WIPI2: variants seen among roughly 807,000 people sequenced by gnomAD.
The protein encoded by WIPI2 is WD repeat domain, phosphoinositide interacting 2.
In WIPI2, 28 loss-of-function variants were observed where a neutral mutation model predicts 52.3. The observed-to-expected ratio is 0.54, with a 90% CI of 0.40 to 0.73. WIPI2 has a LOEUF of 0.73. WIPI2 is among the 30% of genes least tolerant of loss of function. The pLI is 0.00. For synonymous variants in WIPI2, 268 were observed against 245.0 expected (o/e 1.09, Z -0.88); for missense variants, 506 against 602.9 (o/e 0.84, Z 1.68).
At chr7:5,203,867 C>T (rs1782160761) in intron 3 of WIPI2, among the ~76,000 whole-genome samples, 1 of 152,106 alleles carries the variant, frequency 6.6e-6, no homozygotes, top group African/African-American at 2.4e-5. Context: ...TCATGATCCA[C>T]CCGCCTCAGC....
chr7:5,214,038 A>C, intron 3 of WIPI2: 1 of 232,128 alleles, frequency 4.3e-6, no homozygotes, highest in South Asian at 5.7e-5. Context: ...TGAGTGTAAT[A>C]GCGACATCTT....
At position 5,218,210 on chromosome 7, in the gene WIPI2, G is replaced by A. The variant is rs763760923; in HGVS notation, c.669+196G>A. On this transcript the variant is annotated intron_variant, in intron 7 of 12. Coordinates refer to ENST00000288828, the MANE Select transcript of WIPI2 (RefSeq NM_015610.4). ...GGAGCTTGCAGTGTGCCACTGGGAC[G>A]GGAGAGCTGGTCCACATTTGTAGTA... The A allele has an allele frequency of 4.9e-5, 27 of 554,976 alleles. 1 individual carries two copies. Among genetic ancestry groups the A allele is most frequent in the East Asian group, 1.5e-4 (5 of 32,716 alleles). 34.4% of individuals were successfully genotyped at this position (554,976 alleles called of 1,614,324 possible). A position where few individuals can be genotyped will look rare whatever the true frequency, so the allele number is the denominator to read the frequency against.
chr7:5,209,271 G>A (rs1424148449), intron 3 of WIPI2, among the ~76,000 whole-genome samples: 1 of 152,104 alleles, frequency 6.6e-6, no homozygotes, highest in East Asian at 1.9e-4. Context: ...GCTTTCTAAT[G>A]TTTGTGCCTT....
intron 7 of WIPI2, among the ~76,000 whole-genome samples, chr7:5,220,245 T>C (rs1279032677): frequency 5.5e-4 from 2 of 3,618 alleles, no homozygotes; most frequent in African/African-American, 3.8e-3. Context: ...GCTTTTTGCT[T>C]TTTTTTTTTT....
chr7:5,190,307 G>A lies in WIPI2; in HGVS notation c.-113G>A. The A allele has an allele frequency of 1.7e-6, 1 of 604,552 alleles. No homozygotes were observed. The highest frequency in any genetic ancestry group is 2.3e-6 in the Non-Finnish European group (1 of 427,158). The allele number at this position is 604,552 out of a possible 1,614,324, so 37.4% of individuals were successfully genotyped here. On this transcript the variant is annotated 5_prime_UTR_variant, in exon 1 of 13. Transcript: ENST00000288828. ...AGGCGGCGGTTGATCCCAGGGTGGC[G>A]AGTGGCGGCGACCGAGGCGGCGAGC...
At chr7:5,226,408 G>T (rs1032631140) in intron 9 of WIPI2, 1 of 172,388 alleles carries the variant, frequency 5.8e-6, no homozygotes, top group Non-Finnish European at 1.2e-5. Context: ...CCAGGCTGCA[G>T]TGCAGTGGTA....
intron 3 of WIPI2, among the ~76,000 whole-genome samples, chr7:5,204,272 G>T (rs961380290): frequency 9.9e-5 from 15 of 152,256 alleles, no homozygotes; most frequent in Admixed American, 7.8e-4. Flanking sequence ...TTAGAGACCA[G>T]CCTGGCCAAC....
At position 5,217,762 on chromosome 7, in the gene WIPI2, C is replaced by G. The variant is rs1282081769; in HGVS notation, c.577-160C>G. ...TTTTCTAAAGTTGGAGCAGCATTTC[C>G]TTGGATGCCCAGCCCCAGTAAATCA... On this transcript the variant is annotated intron_variant, in intron 6 of 12. Coordinates refer to ENST00000288828, the MANE Select transcript of WIPI2 (RefSeq NM_015610.4). 3 of 706,218 alleles carry G rather than the reference C, an allele frequency of 4.2e-6. No individual in the cohort carries two copies. The African/African-American group carries it at 5.3e-5, about 13-fold the overall frequency. 43.7% of individuals were successfully genotyped at this position (706,218 alleles called of 1,614,324 possible).
At chr7:5,220,598 C>G (rs999592421) in intron 7 of WIPI2, among the ~76,000 whole-genome samples, 5 of 151,996 alleles carry the variant, frequency 3.3e-5, no homozygotes, top group African/African-American at 1.2e-4. Context: ...CTCACTGCAG[C>G]TTCCACTCCT....
chr7:5,214,388 C>A, intron 3 of WIPI2, 147 bp from the exon 4 acceptor site: 1 of 1,605,772 alleles, frequency 6.2e-7, no homozygotes, highest in South Asian at 1.1e-5. Context: ...CGGGCTGTCC[C>A]CACCCCATGA....
At chr7:5,197,736 G>C (rs1039953035) in intron 2 of WIPI2, among the ~76,000 whole-genome samples, 1 of 152,168 alleles carries the variant, frequency 6.6e-6, no homozygotes, top group African/African-American at 2.4e-5. Context: ...AAATAGCCCT[G>C]ATCCTATCTT....
intron 7 of WIPI2, among the ~76,000 whole-genome samples, chr7:5,221,628 C>G (rs188570371): frequency 6.6e-6 from 1 of 152,186 alleles, no homozygotes; most frequent in Non-Finnish European, 1.5e-5. Flanking sequence ...TTTATTCCCC[C>G]AGATGTTCAT....
chr7:5,222,593 C>T lies in WIPI2; in HGVS notation c.670-9C>T. On this transcript the variant is annotated splice_polypyrimidine_tract_variant and intron_variant, in intron 7 of 12. Coordinates refer to ENST00000288828, the MANE Select transcript of WIPI2 (RefSeq NM_015610.4). ...GCTCAAATTCTTCTTTTCTCTTTTC[C>T]TTCCACAGGGGACCGTGATTAGGGT... The T allele has an allele frequency of 1.2e-6, 2 of 1,613,164 alleles. No homozygotes were observed. The highest frequency in any genetic ancestry group is 1.7e-6 in the Non-Finnish European group (2 of 1,179,434).
intron 8 of WIPI2, chr7:5,222,926 G>A (rs1032878728): frequency 1.0e-4 from 44 of 421,710 alleles, no homozygotes; most frequent in African/African-American, 8.6e-4. Flanking sequence ...ACGCAACCAG[G>A]TGGGCCCTCC....
At position 5,214,508 on chromosome 7, in the gene WIPI2, C is replaced by A. The variant is rs200577510; in HGVS notation, c.212-27C>A. ...GGCCATAGCCATGTGGAGATGTTCA[C>A]GCATGTACTTCCCTTTGTGATTTCA... On this transcript the variant is annotated intron_variant, in intron 3 of 12. Coordinates refer to ENST00000288828, the MANE Select transcript of WIPI2 (RefSeq NM_015610.4). The A allele has an allele frequency of 3.1e-6, 5 of 1,614,060 alleles. No homozygotes were observed. The African/African-American group carries it at 4.0e-5, about 13-fold the overall frequency.
chr7:5,221,904 C>G (rs926140571), intron 7 of WIPI2, among the ~76,000 whole-genome samples: 1 of 151,990 alleles, frequency 6.6e-6, no homozygotes, highest in Non-Finnish European at 1.5e-5. Context: ...GAAGCCTCGT[C>G]AGACCACAAG....
At chr7:5,199,539 G>T (rs373656812) in intron 2 of WIPI2, 37 bp from the exon 3 acceptor site, 1 of 1,572,722 alleles carries the variant, frequency 6.4e-7, no homozygotes. Flanking sequence ...CTGTCTGCAC[G>T]TATCAGCTCT....
In WIPI2 at chr7:5,232,527, C is replaced by T. The variant is rs1208096675; in HGVS notation, c.*1580C>T. On this transcript the variant is annotated 3_prime_UTR_variant, in exon 13 of 13. Transcript: ENST00000288828. Reference sequence around the variant, plus strand: ...CAAAACCTGCTTGTCTGTCCTGGACCTTTGATGAAATGGGATCCCGGTCAC... The same window carrying T: ...CAAAACCTGCTTGTCTGTCCTGGACTTTTGATGAAATGGGATCCCGGTCAC... 2.6e-6 allele frequency: 1 copy of T among 391,828 alleles called. No individual in the cohort carries two copies. Among genetic ancestry groups the T allele is most frequent in the South Asian group, 1.4e-4 (1 of 6,962 alleles). The allele number at this position is 391,828 out of a possible 1,614,324, so 24.3% of individuals were successfully genotyped here.
At chr7:5,211,188 G>C (rs933784387) in intron 3 of WIPI2, among the ~76,000 whole-genome samples, 2 of 152,178 alleles carry the variant, frequency 1.3e-5, no homozygotes, top group Non-Finnish European at 2.9e-5. Context: ...ATCTTTTCCC[G>C]AGGCTGGGAG....
Sources: allele counts gnomAD v4.1 joint callset (sites outside exome capture counted in the v4.1 genomes callset), GRCh38; gene constraint gnomAD v4.1.1; transcripts MANE v1.5; gene names NCBI Gene and HGNC (gene_info 2026-07-23, HGNC 2026-07-21).